Variants in ATG10 observed in about 807,000 individuals in gnomAD.
ATG10 encodes the protein ubiquitin-like-conjugating enzyme ATG10.
ATG10 carries 30 observed loss-of-function variants against 32.1 expected under a neutral mutation model. That is an observed-to-expected ratio of 0.94 (90% CI 0.70 to 1.27). The LOEUF (loss-of-function observed/expected upper bound fraction) is 1.27, where lower values mean the gene tolerates loss of function less well. ATG10 is among the 50% of genes most tolerant of loss of function. The probability of loss-of-function intolerance (pLI) is 0.00; values close to 1 mark genes in which losing one functional copy is unlikely to be tolerated. For missense variants in ATG10, 233 were observed against 262.3 expected, an observed-to-expected ratio of 0.89 and a Z score of 0.77; for synonymous variants, 87 against 91.5, an observed-to-expected ratio of 0.95 and a Z score of 0.28.
chr5:82,093,071 A>T (rs1764944408), intron 3 of ATG10, among the ~76,000 whole-genome samples: 1 of 152,210 alleles, frequency 6.6e-6, no homozygotes. Context: ...CTAACTCAGA[A>T]ATACAATAGC....
At chr5:82,252,509 T>A (rs1315540748) in intron 5 of ATG10, 53 bp from the exon 6 acceptor site, 17 of 1,059,662 alleles carry the variant, frequency 1.6e-5, no homozygotes, top group Middle Eastern at 4.0e-4. Flanking sequence ...TAAATTATTT[T>A]AGCCTTTTCA....
intron 2 of ATG10, among the ~76,000 whole-genome samples, chr5:82,023,374 T>A (rs1762502615): frequency 1.3e-5 from 2 of 152,204 alleles, no homozygotes; most frequent in Admixed American, 1.3e-4. Context: ...GGTGTTAAAT[T>A]TGATACAGAT....
At chr5:82,092,333 GT>G (rs1427721896) in intron 3 of ATG10, among the ~76,000 whole-genome samples, 2 of 151,994 alleles carry the variant, frequency 1.3e-5, no homozygotes, top group Non-Finnish European at 2.9e-5. Flanking sequence ...GAAAATATAG[GT>G]TTACATTTTA....
At chr5:82,133,982 A>G (rs932062155) in intron 3 of ATG10, among the ~76,000 whole-genome samples, 4 of 143,984 alleles carry the variant, frequency 2.8e-5, no homozygotes, top group African/African-American at 7.8e-5. Flanking sequence ...CTTTGTAGCA[A>G]TTGTGAATGT....
intron 5 of ATG10, among the ~76,000 whole-genome samples, chr5:82,196,274 T>G (rs957716263): frequency 2.6e-5 from 4 of 152,190 alleles, no homozygotes; most frequent in African/African-American, 9.6e-5. Flanking sequence ...AAGTATATTT[T>G]GAATACTAGA....
intron 5 of ATG10, among the ~76,000 whole-genome samples, chr5:82,203,674 T>A (rs897162832): frequency 6.6e-6 from 1 of 152,180 alleles, no homozygotes; most frequent in Admixed American, 6.5e-5. Flanking sequence ...TTACCTTTAT[T>A]ATGATGACTG....
intron 2 of ATG10, among the ~76,000 whole-genome samples, chr5:82,012,983 G>A (rs925448756): frequency 6.9e-6 from 1 of 143,934 alleles, no homozygotes; most frequent in African/African-American, 2.6e-5. Context: ...TTTTTTTTGA[G>A]ATGGAGTCTC....
At chr5:82,049,743 C>T in intron 2 of ATG10, among the ~76,000 whole-genome samples, 1 of 151,958 alleles carries the variant, frequency 6.6e-6, no homozygotes, top group East Asian at 1.9e-4. Flanking sequence ...GGGTTAGTAA[C>T]TAGAGAGTGA....
At chr5:82,239,791 A>G (rs1321490383) in intron 5 of ATG10, among the ~76,000 whole-genome samples, 2 of 152,222 alleles carry the variant, frequency 1.3e-5, no homozygotes, top group Non-Finnish European at 2.9e-5. Context: ...AATAATCAGA[A>G]TATATAAGGA....
intron 5 of ATG10, among the ~76,000 whole-genome samples, chr5:82,182,407 AG>A (rs1744270990): frequency 6.6e-6 from 1 of 152,102 alleles, no homozygotes; most frequent in African/African-American, 2.4e-5. Flanking sequence ...TTAAAAGATA[AG>A]AGTTCTACAT....
chr5:82,031,965 A>G (rs1762753563), intron 2 of ATG10, among the ~76,000 whole-genome samples: 1 of 152,222 alleles, frequency 6.6e-6, no homozygotes, highest in Non-Finnish European at 1.5e-5. Context: ...GCTGCTTGGA[A>G]TGCTCTCTTT....
At chr5:82,083,089 A>T (rs1764540886) in intron 3 of ATG10, among the ~76,000 whole-genome samples, 1 of 152,212 alleles carries the variant, frequency 6.6e-6, no homozygotes, top group Admixed American at 6.5e-5. Context: ...AGCAAAGGGA[A>T]GCTGTGACAG....
intron 3 of ATG10, among the ~76,000 whole-genome samples, chr5:82,081,711 C>G (rs1233887377): frequency 6.6e-6 from 1 of 152,304 alleles, no homozygotes; most frequent in South Asian, 2.1e-4. Flanking sequence ...ATGAAACCCA[C>G]TTGATCATGG....
intron 5 of ATG10, among the ~76,000 whole-genome samples, chr5:82,202,165 G>A (rs896148048): frequency 6.6e-6 from 1 of 152,128 alleles, no homozygotes; most frequent in African/African-American, 2.4e-5. Context: ...ATGATATGAG[G>A]GCCATGATGG....
At chr5:82,170,382 A>T (rs950350120) in intron 4 of ATG10, among the ~76,000 whole-genome samples, 2 of 152,152 alleles carry the variant, frequency 1.3e-5, no homozygotes, top group Admixed American at 1.3e-4. Flanking sequence ...TAACTCATGT[A>T]TTGTTTTTCT....
At chr5:82,063,733 C>T (rs1213601572) in intron 3 of ATG10, among the ~76,000 whole-genome samples, 1 of 152,082 alleles carries the variant, frequency 6.6e-6, no homozygotes, top group African/African-American at 2.4e-5. Flanking sequence ...CTGAGGTGAT[C>T]TGCCCACCTT....
intron 3 of ATG10, among the ~76,000 whole-genome samples, chr5:82,061,350 G>T (rs1273404529): frequency 6.7e-6 from 1 of 149,748 alleles, no homozygotes; most frequent in Non-Finnish European, 1.5e-5. Flanking sequence ...TTCTTAGAAT[G>T]TTTTTTTTTT....
chr5:82,225,384 A>G (rs1269146408), intron 5 of ATG10, among the ~76,000 whole-genome samples: 1 of 152,212 alleles, frequency 6.6e-6, no homozygotes. Context: ...AAGTCAGTAG[A>G]GAAAATGAAC....
intron 2 of ATG10, among the ~76,000 whole-genome samples, chr5:82,038,857 T>C (rs1763007995): frequency 1.3e-5 from 2 of 152,196 alleles, no homozygotes; most frequent in African/African-American, 4.8e-5. Flanking sequence ...ATTGTTTAAT[T>C]AATTAATTTA....
Sources: allele counts gnomAD v4.1 joint callset (sites outside exome capture counted in the v4.1 genomes callset), GRCh38; gene constraint gnomAD v4.1.1; transcripts MANE v1.5; gene names NCBI Gene and HGNC (gene_info 2026-07-23, HGNC 2026-07-21).